Variants in PSMB8 observed in about 807,000 individuals in gnomAD.
The protein encoded by PSMB8 is proteasome subunit beta type-8.
In PSMB8, 20 loss-of-function variants were observed where a neutral mutation model predicts 32.3. That is an observed-to-expected ratio of 0.62 (90% confidence interval 0.44 to 0.90). The LOEUF is 0.90. PSMB8 is among the 40% of genes least tolerant of loss of function. PSMB8 has a pLI of 0.00. For missense variants in PSMB8, 342 were observed against 365.4 expected (o/e 0.94, Z 0.52); for synonymous variants, 131 against 135.4 (o/e 0.97, Z 0.23).
In PSMB8 at chr6:32,843,012, C is replaced by A. The variant is rs925520066; in HGVS notation, c.225G>T (p.Thr75=). Residue 75 remains threonine (T), a synonymous_variant, in exon 2 of 6, where the codon ACG becomes ACT. Coordinates refer to ENST00000374882, the MANE Select transcript of PSMB8 (RefSeq NM_148919.4). The stretch of plus-strand genomic sequence containing the variant: ...CTCCATGCTGGAACTTGAAGGCGAG[C>A]GTGGTGGTGCCATGGGCCATCTCAA... ...VQIEMAHGTT[T]LAFKFQHGVI... 1.2e-6 allele frequency: 2 copies of A among 1,612,962 alleles called. No homozygotes were observed. Among genetic ancestry groups the A allele is most frequent in the Admixed American group, 3.3e-5 (2 of 60,002 alleles).
intron 5 of PSMB8, 86 bp downstream of exon 5, chr6:32,841,445 C>A: frequency 4.3e-6 from 6 of 1,391,732 alleles, no homozygotes; most frequent in Non-Finnish European, 6.1e-6. Flanking sequence ...GCCATGTTGG[C>A]CAGGCTGGTT....
In PSMB8 at chr6:32,840,826, C is replaced by T; in HGVS notation, c.*133G>A. The stretch of plus-strand genomic sequence containing the variant: ...GCAGAAGATGCACTTCACCGGCCTC[C>T]TCTGGCTGCTGAGCCCGTACTCTCT... On this transcript the variant is annotated 3_prime_UTR_variant, in exon 6 of 6. Coordinates refer to ENST00000374882, the MANE Select transcript of PSMB8 (RefSeq NM_148919.4). 1.3e-6 allele frequency: 1 copy of T among 744,988 alleles called. No individual in the cohort carries two copies. Among genetic ancestry groups the T allele is most frequent in the Non-Finnish European group, 2.4e-6 (1 of 423,446 alleles). 46.1% of individuals were successfully genotyped at this position (744,988 alleles called of 1,614,324 possible). A position where few individuals can be genotyped will look rare whatever the true frequency, so the allele number is the denominator to read the frequency against.
Position 32,843,428 on chromosome 6 carries a change from T to A in PSMB8, c.148-339A>T, listed in dbSNP as rs114063672. 2.3e-3 allele frequency among the ~76,000 whole-genome samples: 343 copies of A among 152,334 alleles called. 5 individuals are homozygous for A. The highest frequency in any genetic ancestry group is 0.018 in the South Asian group (87 of 4,830). Reference sequence around the variant, plus strand: ...ACGTTTAGTAACAGTATCCTCACTTTACAGAAGAGGGGCTTGGGACCTAGA... The same window carrying A: ...ACGTTTAGTAACAGTATCCTCACTTAACAGAAGAGGGGCTTGGGACCTAGA... On this transcript the variant is annotated intron_variant, in intron 1 of 5. Coordinates refer to ENST00000374882, the MANE Select transcript of PSMB8 (RefSeq NM_148919.4).
chr6:32,844,532 G>C (rs1770202584), upstream of PSMB8: 3 of 1,267,496 alleles, frequency 2.4e-6, no homozygotes, highest in African/African-American at 4.4e-5. Flanking sequence ...CCAGGGAGAG[G>C]GCGCAGTCTC....
rs552634755 is a variant in PSMB8 at position 32,843,943 on chromosome 6, A to T, written c.54T>A (p.Ala18=). 4 of 1,612,186 alleles carry T rather than the reference A, an allele frequency of 2.5e-6. No individual in the cohort carries two copies. The South Asian group carries it at 3.3e-5, about 13-fold the overall frequency. Residue 18 remains alanine (A), a synonymous_variant, in exon 1 of 6, where the codon GCT becomes GCA. Coordinates refer to ENST00000374882, the MANE Select transcript of PSMB8 (RefSeq NM_148919.4). The part of the protein sequence containing the change: ...GAPRGQRPES[A]LPVAGSGRRS... ...GACGCCCGCTTCCCGCAACCGGGAG[A>T]GCCGATTCCGGCCGCTGCCCTCGGG... is the stretch of plus-strand genomic sequence containing the variant.
chr6:32,841,479 C>G lies in PSMB8; in HGVS notation c.742+52G>C, dbSNP rs1035169237. ...TTTCTCAATCTTAAATCACCCCCCC[C>G]ACCACCCGCCGACTCCTCCCAGGCA... On this transcript the variant is annotated intron_variant, in intron 5 of 5. Transcript: ENST00000374882. 2.2e-5 allele frequency: 35 copies of G among 1,569,852 alleles called. No individual in the cohort carries two copies. In the East Asian group the frequency reaches 2.9e-4, roughly 13 times the overall value.
At position 32,841,718 on chromosome 6, in the gene PSMB8, G is replaced by A. The variant is rs751342591; in HGVS notation, c.555C>T (p.Tyr185=). The change falls in exon 5 of 6, where the codon TAC becomes TAT. Residue 185 remains tyrosine, a synonymous_variant. Coordinates refer to ENST00000374882, the MANE Select transcript of PSMB8 (RefSeq NM_148919.4). ...AGAGCCGAGTCCCATGTTCATCCAC[G>A]TAGTAGAGTCCAGGACCCTATAAGA... The part of the protein sequence containing the change: ...GWDKKGPGLY[Y]VDEHGTRLSG... 7 of 1,612,730 alleles carry A rather than the reference G, an allele frequency of 4.3e-6. No homozygotes were observed. The highest frequency in any genetic ancestry group is 1.3e-5 in the African/African-American group (1 of 75,030).
In PSMB8 at chr6:32,840,798, C is replaced by T; in HGVS notation, c.*161G>A. On this transcript the variant is annotated 3_prime_UTR_variant, in exon 6 of 6. Transcript: ENST00000374882. Reference sequence around the variant, plus strand: ...GGGAAATGCTTGTTCAAATAGAGAACACGCAGAAGATGCACTTCACCGGCC... The same window carrying T: ...GGGAAATGCTTGTTCAAATAGAGAATACGCAGAAGATGCACTTCACCGGCC... 2 of 650,232 alleles carry T rather than the reference C, an allele frequency of 3.1e-6. No individual in the cohort carries two copies. Among genetic ancestry groups the T allele is most frequent in the Non-Finnish European group, 5.5e-6 (2 of 361,138 alleles). The allele number at this position is 650,232 out of a possible 1,614,324, so 40.3% of individuals were successfully genotyped here.
intron 5 of PSMB8, 87 bp from the exon 6 acceptor site, chr6:32,841,134 A>G: frequency 8.7e-7 from 1 of 1,155,164 alleles, no homozygotes; most frequent in South Asian, 1.2e-5. Flanking sequence ...CAGCAACAAG[A>G]CACATGCGCA....
chr6:32,843,237 A>C (rs899572212), intron 1 of PSMB8, 148 bp from the exon 2 acceptor site: 26 of 930,170 alleles, frequency 2.8e-5, no homozygotes, highest in Non-Finnish European at 3.9e-5. Flanking sequence ...CAATCTCTAG[A>C]AGGAAATGGC....
At chr6:32,841,980 T>C (rs1769932240) in intron 4 of PSMB8, 154 bp downstream of exon 4, 3 of 1,212,196 alleles carry the variant, frequency 2.5e-6, no homozygotes, top group African/African-American at 3.0e-5. Context: ...TCTGGGCCAA[T>C]AAATAGTCCA....
chr6:32,840,717 T>G lies in PSMB8; in HGVS notation c.*242A>C. The G allele has an allele frequency of 1.8e-6, 1 of 560,346 alleles. No homozygotes were observed. The allele number at this position is 560,346 out of a possible 1,614,324, so 34.7% of individuals were successfully genotyped here. A position where few individuals can be genotyped will look rare whatever the true frequency, so the allele number is the denominator to read the frequency against. ...ACCCCATTCAGCCACAAGACAGAGG[T>G]ATTTATAACCGTTTTTCTTTATTCT... On this transcript the variant is annotated 3_prime_UTR_variant, in exon 6 of 6. Coordinates refer to ENST00000374882, the MANE Select transcript of PSMB8 (RefSeq NM_148919.4).
intron 5 of PSMB8, among the ~76,000 whole-genome samples, 156 bp from the exon 6 acceptor site, chr6:32,841,203 C>T (rs1221277483): frequency 6.6e-6 from 1 of 152,144 alleles, no homozygotes; most frequent in Non-Finnish European, 1.5e-5. Flanking sequence ...AAAATTTCCT[C>T]CCTACTACTC....
chr6:32,844,453 A>G (rs758627219), upstream of PSMB8: 4 of 1,611,832 alleles, frequency 2.5e-6, no homozygotes, highest in Admixed American at 6.7e-5. Context: ...GCGAGGGGGC[A>G]GAGTCTTGGA....
chr6:32,844,434 G>C (rs1488561458), upstream of PSMB8: 3 of 1,613,402 alleles, frequency 1.9e-6, no homozygotes, highest in Middle Eastern at 1.6e-4. Flanking sequence ...AACCAGGAGG[G>C]ACGGAAGTGC....
rs200016893 is a variant in PSMB8, at chr6:32,841,034, C to T, written c.756G>A (p.Lys252=). Residue 252 remains lysine (K), a synonymous_variant, in exon 6 of 6, where the codon AAG becomes AAA. Coordinates refer to ENST00000374882, the MANE Select transcript of PSMB8 (RefSeq NM_148919.4). The part of the protein sequence containing the change: ...SGGVVNMYHM[K]EDGWVKVEST... ...TTTCTACTTTCACCCAACCATCTTCCTTCATGTGGTACACTGTGGACAAAT... is the reference window on the plus strand; with the variant it reads ...TTTCTACTTTCACCCAACCATCTTCTTTCATGTGGTACACTGTGGACAAAT... The T allele has an allele frequency of 1.9e-5, 30 of 1,611,900 alleles. No individual in the cohort carries two copies. Among genetic ancestry groups the T allele is most frequent in the Non-Finnish European group, 2.5e-5 (29 of 1,178,066 alleles).
chr6:32,842,312 A>G (rs372879611), intron 3 of PSMB8, 49 bp from the exon 4 acceptor site: 41 of 1,602,446 alleles, frequency 2.6e-5, no homozygotes, highest in Admixed American at 8.3e-5. Flanking sequence ...GCTCTTTCCA[A>G]CTTGATGGGG....
rs1769864254 is a variant in PSMB8, at chr6:32,840,967, T to C, written c.823A>G (p.Asn275Asp). The change falls in exon 6 of 6, where the codon AAT becomes GAT. Residue 275 changes from asparagine to aspartate, a missense_variant. Coordinates refer to ENST00000374882, the MANE Select transcript of PSMB8 (RefSeq NM_148919.4). ...SDLLHQYREA[N>D]Q Reference sequence around the variant, plus strand: ...AGCTGCCACCACCACCATTATTGATTGGCTTCCCGGTACTGGTGCAGCAGG... The same window carrying C: ...AGCTGCCACCACCACCATTATTGATCGGCTTCCCGGTACTGGTGCAGCAGG... 6.2e-7 allele frequency: 1 copy of C among 1,612,864 alleles called. No individual in the cohort carries two copies. The highest frequency in any genetic ancestry group is 8.5e-7 in the Non-Finnish European group (1 of 1,178,854).
At chr6:32,842,038 A>G in intron 4 of PSMB8, 96 bp downstream of exon 4, 4 of 1,587,470 alleles carry the variant, frequency 2.5e-6, no homozygotes, top group Admixed American at 3.3e-5. Context: ...TATGCCATGC[A>G]TCTTGTCAGG....
Sources: allele counts gnomAD v4.1 joint callset (sites outside exome capture counted in the v4.1 genomes callset), GRCh38; gene constraint gnomAD v4.1.1; transcripts MANE v1.5; gene names NCBI Gene and HGNC (gene_info 2026-07-23, HGNC 2026-07-21).